EEF2K: variants seen among roughly 807,000 people sequenced by gnomAD.
EEF2K encodes the protein eukaryotic elongation factor 2 kinase.
EEF2K carries 70 observed loss-of-function variants against 93.8 expected under a neutral mutation model. The observed-to-expected ratio is 0.75, with a 90% CI of 0.62 to 0.91. The LOEUF (loss-of-function observed/expected upper bound fraction) is 0.91, where lower values mean the gene tolerates loss of function less well. Ranked by LOEUF, EEF2K falls within the 40% of genes least tolerant of loss-of-function variation. The pLI is 0.00. For synonymous variants in EEF2K, 376 were observed against 380.8 expected (o/e 0.99, Z 0.15); for missense variants, 935 against 972.9 (o/e 0.96, Z 0.52).
At chr16:22,208,138 CT>C (rs2046881518) in intron 1 of EEF2K, among the ~76,000 whole-genome samples, 1 of 152,214 alleles carries the variant, frequency 6.6e-6, no homozygotes, top group African/African-American at 2.4e-5. Flanking sequence ...GTCCGAAGTT[CT>C]TATCCTCTGC....
At chr16:22,242,825 A>G (rs1443299435) in intron 2 of EEF2K, among the ~76,000 whole-genome samples, 4 of 152,110 alleles carry the variant, frequency 2.6e-5, no homozygotes, top group Non-Finnish European at 4.4e-5. Context: ...GTTAAATGCT[A>G]TGTTATGTGT....
At chr16:22,256,171 C>G (rs1417583620) in intron 6 of EEF2K, among the ~76,000 whole-genome samples, 2 of 152,058 alleles carry the variant, frequency 1.3e-5, no homozygotes, top group Admixed American at 1.3e-4. Flanking sequence ...AATCTTGGCT[C>G]ACTGCAACCT....
chr16:22,244,760 T>C lies in EEF2K; in HGVS notation c.347+30T>C, dbSNP rs115593975. 4.1e-4 allele frequency: 660 copies of C among 1,609,594 alleles called. 2 individuals are homozygous for C. In the African/African-American group the frequency reaches 7.7e-3, roughly 19 times the overall value. ...GCAGCTTGTGTGGGGTCTCGAGGAG[T>C]CCTGGGGGCTATACGTCCAGCTTCT... On this transcript the variant is annotated intron_variant, in intron 3 of 17. Coordinates refer to ENST00000263026, the MANE Select transcript of EEF2K (RefSeq NM_013302.5).
chr16:22,243,573 C>G (rs1488296542), intron 2 of EEF2K, among the ~76,000 whole-genome samples: 3 of 151,188 alleles, frequency 2.0e-5, no homozygotes, highest in Non-Finnish European at 4.4e-5. Flanking sequence ...AGTTTTATAC[C>G]CCCGATGGTG....
intron 17 of EEF2K, 38 bp from the exon 18 acceptor site, chr16:22,283,849 T>C (rs1054289505): frequency 1.9e-6 from 3 of 1,548,708 alleles, no homozygotes; most frequent in Non-Finnish European, 2.6e-6. Context: ...AAACAACAGG[T>C]GGTTCACCTC....
chr16:22,258,478 C>T lies in EEF2K; in HGVS notation c.1030-16C>T, dbSNP rs749763725. 1 of 1,613,368 alleles carries T rather than the reference C, an allele frequency of 6.2e-7. No homozygotes were observed. Among genetic ancestry groups the T allele is most frequent in the South Asian group, 1.1e-5 (1 of 91,034 alleles). ...GGGTGTGTGCGTGACATGAGTATCC[C>T]TATTAATGTCCCTAGCAATCAGCCA... On this transcript the variant is annotated splice_polypyrimidine_tract_variant and intron_variant, in intron 9 of 17. Coordinates refer to ENST00000263026, the MANE Select transcript of EEF2K (RefSeq NM_013302.5).
At chr16:22,234,513 C>A (rs140940763) in intron 2 of EEF2K, among the ~76,000 whole-genome samples, 1 of 150,624 alleles carries the variant, frequency 6.6e-6, no homozygotes, top group African/African-American at 2.4e-5. Flanking sequence ...GCCAAGATCG[C>A]ACCACTGCAC....
rs562622046 is a variant in EEF2K, at chr16:22,252,566, C to T, written c.618+1244C>T. ...TGGGCACACCCTAGCCATGTGCCTG[C>T]CCTTAGAGCTAGGAATGTAGGTGTT... On this transcript the variant is annotated intron_variant, in intron 6 of 17. Transcript: ENST00000263026. 9.2e-5 allele frequency among the ~76,000 whole-genome samples: 14 copies of T among 152,282 alleles called. No homozygotes were observed. In the South Asian group the frequency reaches 2.7e-3, roughly 29 times the overall value.
intron 1 of EEF2K, among the ~76,000 whole-genome samples, chr16:22,207,269 G>A (rs2046872622): frequency 6.6e-6 from 1 of 152,188 alleles, no homozygotes; most frequent in Non-Finnish European, 1.5e-5. Flanking sequence ...CGCGCGCCTG[G>A]GGGATTTCGG....
At chr16:22,262,001 C>CCACA (rs71151667) in intron 11 of EEF2K, among the ~76,000 whole-genome samples, 1,539 of 138,086 alleles carry the variant, frequency 0.011, 20 homozygotes, top group East Asian at 0.053. Flanking sequence ...TGAGACCCTG[C>CCACA]CACACACACA....
chr16:22,247,923 G>A (rs1017697039), intron 3 of EEF2K, among the ~76,000 whole-genome samples: 3 of 152,094 alleles, frequency 2.0e-5, no homozygotes, highest in Admixed American at 1.3e-4. Flanking sequence ...TGGCAAGATC[G>A]AGGGCACCAC....
chr16:22,207,466 G>A (rs1567254297), intron 1 of EEF2K, among the ~76,000 whole-genome samples: 1 of 152,178 alleles, frequency 6.6e-6, no homozygotes, highest in Non-Finnish European at 1.5e-5. Flanking sequence ...TATGCTCTCT[G>A]GCCCTCGGTT....
intron 1 of EEF2K, among the ~76,000 whole-genome samples, chr16:22,207,063 C>G (rs540412725): frequency 7.2e-5 from 11 of 152,332 alleles, no homozygotes; most frequent in South Asian, 2.1e-4. Context: ...CCACCTTTCC[C>G]CTGAACTAGA....
intron 14 of EEF2K, 41 bp downstream of exon 14, chr16:22,266,565 C>G: frequency 6.2e-7 from 1 of 1,610,026 alleles, no homozygotes; most frequent in Non-Finnish European, 8.5e-7. Context: ...CTGCACTAAC[C>G]TGGAGCCCCC....
At chr16:22,218,952 A>G (rs991722298) in intron 1 of EEF2K, among the ~76,000 whole-genome samples, 28 of 151,538 alleles carry the variant, frequency 1.8e-4, no homozygotes, top group Admixed American at 9.9e-4. Context: ...AAAAAAAAAA[A>G]AGAGAAAAAA....
At chr16:22,209,793 C>T (rs895847048) in intron 1 of EEF2K, among the ~76,000 whole-genome samples, 5 of 152,146 alleles carry the variant, frequency 3.3e-5, no homozygotes, top group African/African-American at 1.2e-4. Flanking sequence ...AAGGAGGCTT[C>T]TTTTTTGTTG....
At chr16:22,270,446 A>G (rs920417376) in intron 15 of EEF2K, among the ~76,000 whole-genome samples, 3 of 152,036 alleles carry the variant, frequency 2.0e-5, no homozygotes, top group African/African-American at 4.8e-5. Flanking sequence ...TGTTTAGTGC[A>G]GATGGGGTTT....
chr16:22,265,593 A>T (rs531693658), intron 13 of EEF2K, among the ~76,000 whole-genome samples: 1 of 152,272 alleles, frequency 6.6e-6, no homozygotes, highest in African/African-American at 2.4e-5. Context: ...CCAGATTAGG[A>T]TCTTCTCAGT....
intron 13 of EEF2K, 60 bp from the exon 14 acceptor site, chr16:22,266,330 A>T: frequency 6.4e-7 from 1 of 1,561,340 alleles, no homozygotes; most frequent in Admixed American, 1.9e-5. Context: ...GGCTGCTGAC[A>T]GCTGTGATGC....
Sources: allele counts gnomAD v4.1 joint callset (sites outside exome capture counted in the v4.1 genomes callset), GRCh38; gene constraint gnomAD v4.1.1; transcripts MANE v1.5; gene names NCBI Gene and HGNC (gene_info 2026-07-23, HGNC 2026-07-21).